GRXCR1: variants seen among roughly 807,000 people sequenced by gnomAD.
GRXCR1 encodes glutaredoxin and cysteine rich domain containing 1, also known as glutaredoxin domain-containing cysteine-rich protein 1.
A neutral mutation model predicts 27.3 loss-of-function variants in GRXCR1; 27 were observed. The observed-to-expected ratio is 0.99, with a 90% CI of 0.73 to 1.37. The LOEUF (loss-of-function observed/expected upper bound fraction) is 1.37. GRXCR1 is among the 40% of genes most tolerant of loss of function. The pLI, the probability that GRXCR1 is intolerant of heterozygous loss-of-function variation, is 0.00. For missense variants in GRXCR1, 379 were observed against 354.4 expected (o/e 1.07, Z -0.56); for synonymous variants, 122 against 131.1 (o/e 0.93, Z 0.47).
intron 2 of GRXCR1, among the ~76,000 whole-genome samples, chr4:42,965,035 G>A (rs1281214074): frequency 1.3e-5 from 2 of 152,040 alleles, no homozygotes; most frequent in Non-Finnish European, 2.9e-5. Flanking sequence ...CAATGCACAG[G>A]TATAAAGTTG....
Position 42,893,349 on chromosome 4 carries a change from T to C in GRXCR1, c.83T>C (p.Val28Ala), listed in dbSNP as rs1452428249. ...ATCGCGTCCTCTCACAGTGGGCGAGTTCTGAAGGAAGTGTATGAAGATGGG... is the reference window on the plus strand; with the variant it reads ...ATCGCGTCCTCTCACAGTGGGCGAGCTCTGAAGGAAGTGTATGAAGATGGG... ...FRIASSHSGR[V>A]LKEVYEDGQP... is the part of the protein sequence containing the mutation. The change falls in exon 1 of 4, where the codon GTT (valine) becomes GCT (alanine). Residue 28 changes from valine (V) to alanine (A), a missense_variant. Coordinates refer to ENST00000399770, the MANE Select transcript of GRXCR1 (RefSeq NM_001080476.3). 3.7e-6 allele frequency: 6 copies of C among 1,613,262 alleles called. No homozygotes were observed. Among genetic ancestry groups the C allele is most frequent in the Non-Finnish European group, 5.1e-6 (6 of 1,179,680 alleles).
At chr4:42,969,599 T>A (rs1029815919) in intron 2 of GRXCR1, among the ~76,000 whole-genome samples, 4 of 151,988 alleles carry the variant, frequency 2.6e-5, no homozygotes, top group Middle Eastern at 3.4e-3. Flanking sequence ...GCCACACACT[T>A]CCAAACAACC....
At chr4:42,980,383 A>G (rs999788987) in intron 2 of GRXCR1, among the ~76,000 whole-genome samples, 2 of 151,782 alleles carry the variant, frequency 1.3e-5, no homozygotes, top group Non-Finnish European at 2.9e-5. Flanking sequence ...TTTTGTTTTA[A>G]TTTCTTCATT....
At chr4:42,920,245 C>T (rs1200155795) in intron 1 of GRXCR1, among the ~76,000 whole-genome samples, 2 of 152,120 alleles carry the variant, frequency 1.3e-5, no homozygotes, top group Non-Finnish European at 2.9e-5. Flanking sequence ...GCAGTGAGCA[C>T]AGGCAGTGAG....
At position 42,987,033 on chromosome 4, in the gene GRXCR1, T is replaced by TG. The variant is rs58630694; in HGVS notation, c.627+23899_627+23900insG. On this transcript the variant is annotated intron_variant, in intron 2 of 3. Coordinates refer to ENST00000399770, the MANE Select transcript of GRXCR1 (RefSeq NM_001080476.3). ...GTGTGTGTGTGTGTGTGTGTGTGTGTTTAGGGGGTAAGTGTTGTGGGTGTG... is the reference window on the plus strand; with the variant it reads ...GTGTGTGTGTGTGTGTGTGTGTGTGTGTTAGGGGGTAAGTGTTGTGGGTGTG... Among the ~76,000 whole-genome samples the TG allele has an allele frequency of 1.7e-3, 256 of 148,774 alleles. 1 individual carries two copies. Among genetic ancestry groups the TG allele is most frequent in the African/African-American group, 6.3e-3 (249 of 39,714 alleles).
intron 1 of GRXCR1, among the ~76,000 whole-genome samples, chr4:42,923,883 A>C (rs2109752400): frequency 6.6e-6 from 1 of 152,160 alleles, no homozygotes; most frequent in South Asian, 2.1e-4. Flanking sequence ...TTCAGGTGGA[A>C]GTTTCAAGAT....
chr4:43,029,829 G>T (rs796748980), intron 3 of GRXCR1, among the ~76,000 whole-genome samples: 22 of 152,238 alleles, frequency 1.4e-4, no homozygotes, highest in African/African-American at 4.6e-4. Context: ...ATACAAAAAT[G>T]CATTTCAAAG....
chr4:42,893,126 A>G lies in GRXCR1; in HGVS notation c.-141A>G. 1.1e-6 allele frequency: 1 copy of G among 898,062 alleles called. No individual in the cohort carries two copies. The highest frequency in any genetic ancestry group is 1.4e-5 in the South Asian group (1 of 72,468). 55.6% of individuals were successfully genotyped at this position (898,062 alleles called of 1,614,324 possible). On this transcript the variant is annotated 5_prime_UTR_variant, in exon 1 of 4. Transcript: ENST00000399770. ...AGAGACACACTGTAAGTCCTTGGGA[A>G]TCTTCTTTCCTTTTGATGTTAGTTT...
intron 2 of GRXCR1, among the ~76,000 whole-genome samples, chr4:43,013,102 G>T (rs1056799147): frequency 6.6e-6 from 1 of 152,182 alleles, no homozygotes; most frequent in Non-Finnish European, 1.5e-5. Context: ...CAGCCAGTTT[G>T]GAGAGTTCTC....
intron 1 of GRXCR1, among the ~76,000 whole-genome samples, chr4:42,916,317 G>C (rs1309408632): frequency 6.6e-6 from 1 of 152,056 alleles, no homozygotes; most frequent in Non-Finnish European, 1.5e-5. Context: ...TTAAAGGGAA[G>C]TTTTCAGGCA....
rs1439244272 is a variant in GRXCR1, at chr4:42,903,452, C to T, written c.384+9802C>T. Among the ~76,000 whole-genome samples the T allele has an allele frequency of 2.8e-5, 4 of 145,438 alleles. 2 individuals are homozygous for T. The East Asian group carries it at 9.8e-4, about 36-fold the overall frequency. ...TCAGCCTCCCAAGTAGCTGGGACTACAGGCACCCACCACCACGCCAGGCTA... is the reference window on the plus strand; with the variant it reads ...TCAGCCTCCCAAGTAGCTGGGACTATAGGCACCCACCACCACGCCAGGCTA... On this transcript the variant is annotated intron_variant, in intron 1 of 3. Transcript: ENST00000399770.
At chr4:43,029,739 A>G (rs529089338) in intron 3 of GRXCR1, among the ~76,000 whole-genome samples, 1 of 152,340 alleles carries the variant, frequency 6.6e-6, no homozygotes, top group South Asian at 2.1e-4. Context: ...TAAAGATAAA[A>G]TGAGGATAAT....
At chr4:42,929,396 G>A (rs1747248254) in intron 1 of GRXCR1, among the ~76,000 whole-genome samples, 1 of 151,868 alleles carries the variant, frequency 6.6e-6, no homozygotes, top group East Asian at 1.9e-4. Flanking sequence ...CTAGCATTAG[G>A]GCCTTTATTA....
intron 2 of GRXCR1, among the ~76,000 whole-genome samples, chr4:43,002,535 T>A (rs1377863462): frequency 6.6e-6 from 1 of 152,168 alleles, no homozygotes; most frequent in Non-Finnish European, 1.5e-5. Flanking sequence ...GGTACAAAAC[T>A]ACAAATTAAC....
chr4:42,975,388 C>T (rs148678254), intron 2 of GRXCR1, among the ~76,000 whole-genome samples: 170 of 152,172 alleles, frequency 1.1e-3, no homozygotes, highest in African/African-American at 3.9e-3. Flanking sequence ...TAAGATTTAG[C>T]AGGAATTAGT....
At chr4:43,018,863 A>T (rs1345534176) in intron 2 of GRXCR1, among the ~76,000 whole-genome samples, 3 of 152,140 alleles carry the variant, frequency 2.0e-5, no homozygotes, top group Admixed American at 6.5e-5. Context: ...CTTTGTTCTT[A>T]CTTTAGAGGT....
chr4:42,981,589 A>G (rs2109785170), intron 2 of GRXCR1, among the ~76,000 whole-genome samples: 1 of 152,288 alleles, frequency 6.6e-6, no homozygotes, highest in Non-Finnish European at 1.5e-5. Flanking sequence ...TTTAGCTTGA[A>G]GAACTTTGTC....
chr4:42,903,761 T>C lies in GRXCR1; in HGVS notation c.384+10111T>C, dbSNP rs967222407. ...TACTCAATTACAAGCTGATTTTTTT[T>C]CAGGGAATATTTTTTATATTTCCAT... On this transcript the variant is annotated intron_variant, in intron 1 of 3. Coordinates refer to ENST00000399770, the MANE Select transcript of GRXCR1 (RefSeq NM_001080476.3). 3.9e-5 allele frequency among the ~76,000 whole-genome samples: 5 copies of C among 128,912 alleles called. 1 individual carries two copies. The highest frequency in any genetic ancestry group is 1.8e-4 in the Admixed American group (2 of 10,916). The allele number at this position is 128,912 out of a possible 152,430, so 84.6% of individuals were successfully genotyped here. A position where few individuals can be genotyped will look rare whatever the true frequency, so the allele number is the denominator to read the frequency against.
At chr4:42,963,193 C>G in intron 2 of GRXCR1, 59 bp downstream of exon 2, 1 of 1,569,418 alleles carries the variant, frequency 6.4e-7, no homozygotes, top group Non-Finnish European at 8.8e-7. Flanking sequence ...TGATAGAAAT[C>G]TATAACCATC....
Sources: gnomAD v4.1 joint callset for allele counts (sites outside exome capture counted in the v4.1 genomes callset) on GRCh38, gnomAD v4.1.1 for gene constraint, MANE v1.5 for transcripts, NCBI Gene and HGNC (gene_info 2026-07-23, HGNC 2026-07-21) for gene names.